TAFA1: variants seen among roughly 807,000 people sequenced by gnomAD.
TAFA1 encodes the protein chemokine-like protein TAFA-1.
A neutral mutation model predicts 18.5 loss-of-function variants in TAFA1; 4 were observed. The observed-to-expected ratio is 0.22, with a 90% CI of 0.11 to 0.49. TAFA1 has a LOEUF of 0.49. TAFA1 is among the 20% of genes least tolerant of loss of function. The pLI is 0.98. For missense variants in TAFA1, 147 were observed against 169.0 expected (o/e 0.87, Z 0.72); for synonymous variants, 56 against 55.2 (o/e 1.01, Z -0.06).
intron 2 of TAFA1, among the ~76,000 whole-genome samples, chr3:68,057,596 G>A (rs9822658): frequency 0.43 from 65,040 of 152,044 alleles, 14,238 homozygotes; most frequent in East Asian, 0.58. Context: ...AAAGATGTGC[G>A]TATCCCAATC....
intron 2 of TAFA1, among the ~76,000 whole-genome samples, chr3:68,303,048 A>G (rs974271113): frequency 7.9e-5 from 12 of 152,182 alleles, no homozygotes; most frequent in African/African-American, 2.9e-4. Flanking sequence ...TCAAAGAAGT[A>G]TATGTCAAGG....
In TAFA1 at chr3:68,242,831, T is replaced by C. The variant is rs1038790595; in HGVS notation, c.119-174449T>C. On this transcript the variant is annotated intron_variant, in intron 2 of 4. Coordinates refer to ENST00000478136, the MANE Select transcript of TAFA1 (RefSeq NM_213609.4). ...ATGATGTGAGACGTGTGTGTGTGTG[T>C]GCATTGGAAAAAGTGTGATGAAATA... Among the ~76,000 whole-genome samples, 19 of 152,258 alleles carry C rather than the reference T, an allele frequency of 1.2e-4. No individual in the cohort carries two copies. In the East Asian group the frequency reaches 3.5e-3, roughly 28 times the overall value.
chr3:68,068,674 C>T (rs758128939), intron 2 of TAFA1, among the ~76,000 whole-genome samples: 1 of 152,140 alleles, frequency 6.6e-6, no homozygotes, highest in Non-Finnish European at 1.5e-5. Flanking sequence ...TTATTCTTTG[C>T]CTGATCACAA....
At chr3:68,056,816 C>A (rs191508908) in intron 2 of TAFA1, among the ~76,000 whole-genome samples, 20 of 152,232 alleles carry the variant, frequency 1.3e-4, no homozygotes, top group Non-Finnish European at 2.5e-4. Flanking sequence ...AGAAAAAAAG[C>A]AAATTCTGGC....
intron 3 of TAFA1, among the ~76,000 whole-genome samples, chr3:68,534,968 G>A (rs74347662): frequency 6.6e-6 from 1 of 152,078 alleles, no homozygotes; most frequent in Admixed American, 6.6e-5. Flanking sequence ...GTGACAAAAT[G>A]CTAAGTTGAA....
At chr3:68,045,980 T>C (rs533199775) in intron 2 of TAFA1, among the ~76,000 whole-genome samples, 1 of 152,318 alleles carries the variant, frequency 6.6e-6, no homozygotes, top group East Asian at 1.9e-4. Context: ...GGAATTAGCT[T>C]AGTGACATGT....
At chr3:68,289,111 T>C (rs1317195460) in intron 2 of TAFA1, among the ~76,000 whole-genome samples, 1 of 152,222 alleles carries the variant, frequency 6.6e-6, no homozygotes, top group Non-Finnish European at 1.5e-5. Context: ...AAATAGTATA[T>C]TTTTAAGGTG....
At chr3:68,456,805 T>C (rs1477956764) in intron 3 of TAFA1, among the ~76,000 whole-genome samples, 1 of 152,178 alleles carries the variant, frequency 6.6e-6, no homozygotes, top group Non-Finnish European at 1.5e-5. Context: ...TTTACAATGG[T>C]CCTTAAGCCG....
At chr3:68,239,013 C>A (rs181522514) in intron 2 of TAFA1, among the ~76,000 whole-genome samples, 2 of 152,176 alleles carry the variant, frequency 1.3e-5, no homozygotes, top group East Asian at 3.9e-4. Flanking sequence ...CAGGCATTCC[C>A]AGATGGAAAT....
chr3:68,474,870 C>G (rs1000880011), intron 3 of TAFA1, among the ~76,000 whole-genome samples: 8 of 152,120 alleles, frequency 5.3e-5, no homozygotes, highest in African/African-American at 1.9e-4. Flanking sequence ...ACTACCAGGA[C>G]AAAGTTCTTG....
At chr3:68,441,453 C>T (rs551001752) in intron 3 of TAFA1, among the ~76,000 whole-genome samples, 2 of 152,276 alleles carry the variant, frequency 1.3e-5, no homozygotes, top group South Asian at 4.1e-4. Context: ...AGAGATAGCT[C>T]TTGGCCTGTT....
intron 2 of TAFA1, among the ~76,000 whole-genome samples, chr3:68,323,664 G>T (rs569848775): frequency 1.7e-4 from 26 of 152,276 alleles, no homozygotes; most frequent in Non-Finnish European, 3.5e-4. Flanking sequence ...TGAACCAAAT[G>T]ATACAAATAT....
intron 2 of TAFA1, among the ~76,000 whole-genome samples, chr3:68,411,154 A>T (rs1349876435): frequency 1.3e-5 from 2 of 152,202 alleles, no homozygotes; most frequent in Admixed American, 6.5e-5. Flanking sequence ...TCTCTGGGTT[A>T]TAATAGGAAT....
chr3:68,254,163 A>G (rs199931188), intron 2 of TAFA1, among the ~76,000 whole-genome samples: 8 of 149,948 alleles, frequency 5.3e-5, no homozygotes, highest in Non-Finnish European at 7.5e-5. Flanking sequence ...CTATCTGTCT[A>G]TCTATCTATC....
intron 2 of TAFA1, among the ~76,000 whole-genome samples, chr3:68,146,634 C>T (rs1270670743): frequency 2.0e-5 from 3 of 152,202 alleles, no homozygotes. Context: ...CTCTAGAATT[C>T]CCCTTAAGTA....
intron 2 of TAFA1, among the ~76,000 whole-genome samples, chr3:68,290,338 G>C (rs1462691349): frequency 6.6e-6 from 1 of 152,098 alleles, no homozygotes; most frequent in Non-Finnish European, 1.5e-5. Context: ...ATGTTAACAT[G>C]TAAAACACTA....
At chr3:68,363,301 T>A (rs2069504158) in intron 2 of TAFA1, among the ~76,000 whole-genome samples, 1 of 152,186 alleles carries the variant, frequency 6.6e-6, no homozygotes, top group Admixed American at 6.6e-5. Flanking sequence ...AGGAAGTGAC[T>A]TTGAGGCAGA....
chr3:68,233,053 G>T (rs957018081), intron 2 of TAFA1, among the ~76,000 whole-genome samples: 1 of 152,040 alleles, frequency 6.6e-6, no homozygotes, highest in African/African-American at 2.4e-5. Flanking sequence ...TGTTCTAATG[G>T]GATAAGATGA....
At chr3:68,008,136 G>A (rs1704400874) in intron 2 of TAFA1, among the ~76,000 whole-genome samples, 1 of 152,222 alleles carries the variant, frequency 6.6e-6, no homozygotes, top group African/African-American at 2.4e-5. Flanking sequence ...AGGGGGCGCT[G>A]GTGCCCCTGC....
Sources: allele counts gnomAD v4.1 joint callset (sites outside exome capture counted in the v4.1 genomes callset), GRCh38; gene constraint gnomAD v4.1.1; transcripts MANE v1.5; gene names NCBI Gene and HGNC (gene_info 2026-07-23, HGNC 2026-07-21).